The following PLD5 variants were observed in gnomAD, a reference collection of about 807,000 sequenced individuals.
PLD5 encodes the protein inactive phospholipase D5.
In PLD5, 36 loss-of-function variants were observed where a neutral mutation model predicts 61.1. The ratio of observed to expected loss-of-function variants is 0.59; its 90% CI spans 0.45 to 0.78. PLD5 has a LOEUF of 0.78. Ranked by LOEUF, PLD5 falls within the 30% of genes least tolerant of loss-of-function variation. The pLI is 0.00. For synonymous variants in PLD5, 243 were observed against 242.8 expected (o/e 1.00, Z -0.01); for missense variants, 515 against 644.4 (o/e 0.80, Z 2.17).
chr1:242,275,704 C>G (rs896952321), intron 3 of PLD5, among the ~76,000 whole-genome samples: 1 of 152,124 alleles, frequency 6.6e-6, no homozygotes, highest in Non-Finnish European at 1.5e-5. Flanking sequence ...CATCAATAAT[C>G]CAGCATAAGG....
At chr1:242,307,523 G>A (rs999970124) in intron 2 of PLD5, among the ~76,000 whole-genome samples, 16 of 152,132 alleles carry the variant, frequency 1.1e-4, no homozygotes, top group Non-Finnish European at 2.4e-4. Flanking sequence ...ACTGTGTCAC[G>A]TATTGGGCCC....
chr1:242,244,870 C>T (rs1460132825), intron 4 of PLD5, among the ~76,000 whole-genome samples: 13 of 152,174 alleles, frequency 8.5e-5, no homozygotes, highest in Non-Finnish European at 8.8e-5. Flanking sequence ...TAAAGTTCTA[C>T]CTAAGTTTCC....
chr1:242,214,553 A>G (rs1473438166), intron 5 of PLD5, among the ~76,000 whole-genome samples: 3 of 152,204 alleles, frequency 2.0e-5, no homozygotes, highest in Non-Finnish European at 4.4e-5. Context: ...AGGTTATGAT[A>G]TCACTGCTTG....
intron 2 of PLD5, among the ~76,000 whole-genome samples, chr1:242,302,088 C>A (rs1039266971): frequency 5.3e-5 from 8 of 152,160 alleles, no homozygotes; most frequent in African/African-American, 1.9e-4. Flanking sequence ...GCCAACAGTA[C>A]CTTCCCTAGG....
chr1:242,284,552 G>T (rs1242566622), intron 3 of PLD5, among the ~76,000 whole-genome samples: 1 of 152,170 alleles, frequency 6.6e-6, no homozygotes, highest in Non-Finnish European at 1.5e-5. Flanking sequence ...TCGGGGCAAG[G>T]TGAGAGGGAG....
At chr1:242,232,825 A>G (rs1671393013) in intron 4 of PLD5, among the ~76,000 whole-genome samples, 3 of 152,136 alleles carry the variant, frequency 2.0e-5, no homozygotes, top group African/African-American at 7.2e-5. Flanking sequence ...CCTGCATGAC[A>G]GAGTGAGACT....
chr1:242,424,034 CAAT>C lies in PLD5; in HGVS notation c.190-75795_190-75793del, dbSNP rs1410675897. ...ATGTAAAAAGCAGAGAAGAAATAATCAATAATAACAGTGATAACACTGCTGAGC... is the reference window on the plus strand; with the variant it reads ...ATGTAAAAAGCAGAGAAGAAATAATCAATAACAGTGATAACACTGCTGAGC... On this transcript the variant is annotated intron_variant, in intron 1 of 9. Coordinates refer to ENST00000536534, the MANE Select transcript of PLD5 (RefSeq NM_001372062.1). 2.6e-5 allele frequency among the ~76,000 whole-genome samples: 4 copies of C among 152,248 alleles called. No individual in the cohort carries two copies. In the East Asian group the frequency reaches 5.8e-4, roughly 22 times the overall value.
At chr1:242,473,787 A>T (rs1176698287) in intron 1 of PLD5, among the ~76,000 whole-genome samples, 1 of 152,190 alleles carries the variant, frequency 6.6e-6, no homozygotes, top group Non-Finnish European at 1.5e-5. Flanking sequence ...TTACTGGGCT[A>T]ATATGAGCTA....
At chr1:242,434,418 G>A (rs1006410682) in intron 1 of PLD5, among the ~76,000 whole-genome samples, 1 of 152,210 alleles carries the variant, frequency 6.6e-6, no homozygotes, top group Admixed American at 6.5e-5. Flanking sequence ...TTTAGACAAG[G>A]TGGGTTTGAT....
At chr1:242,158,050 G>GC (rs1038918040) in intron 5 of PLD5, among the ~76,000 whole-genome samples, 38 of 152,178 alleles carry the variant, frequency 2.5e-4, no homozygotes, top group African/African-American at 9.2e-4. Flanking sequence ...GCCTTCCTGA[G>GC]CTCTGGTGGG....
intron 1 of PLD5, among the ~76,000 whole-genome samples, chr1:242,382,321 A>T (rs1662344853): frequency 1.3e-5 from 2 of 152,072 alleles, no homozygotes; most frequent in Non-Finnish European, 2.9e-5. Context: ...ACTAAAAGAG[A>T]TCATCAAGGG....
At chr1:242,320,548 G>A (rs1658324570) in intron 2 of PLD5, among the ~76,000 whole-genome samples, 1 of 152,194 alleles carries the variant, frequency 6.6e-6, no homozygotes, top group Non-Finnish European at 1.5e-5. Context: ...TTGGTCATGA[G>A]CCAGCTCTGC....
At chr1:242,265,233 T>C (rs1396526354) in intron 4 of PLD5, 104 bp downstream of exon 4, 1 of 1,386,036 alleles carries the variant, frequency 7.2e-7, no homozygotes, top group Non-Finnish European at 9.5e-7. Flanking sequence ...ATGTACTAAG[T>C]GAAATGTACT....
At chr1:242,262,473 C>T (rs955196898) in intron 4 of PLD5, among the ~76,000 whole-genome samples, 1 of 152,190 alleles carries the variant, frequency 6.6e-6, no homozygotes, top group Non-Finnish European at 1.5e-5. Context: ...ATCCTCACAC[C>T]TGCATGCAAT....
At chr1:242,296,820 T>G (rs908029946) in intron 2 of PLD5, among the ~76,000 whole-genome samples, 5 of 152,142 alleles carry the variant, frequency 3.3e-5, no homozygotes, top group Non-Finnish European at 5.9e-5. Flanking sequence ...TTGGCTCAAG[T>G]GACCTTCCTG....
rs118015376 is a variant in PLD5, at chr1:242,264,372, A to G, written c.607+965T>C. 5.3e-5 allele frequency among the ~76,000 whole-genome samples: 8 copies of G among 152,304 alleles called. No individual in the cohort carries two copies. The East Asian group carries it at 1.5e-3, about 29-fold the overall frequency. On this transcript the variant is annotated intron_variant, in intron 4 of 9. Transcript: ENST00000536534. ...TGTGCATGGTGGTAGGTACATGTGC[A>G]TGGCCAAGCTTACGTCTTCTATGTG...
intron 7 of PLD5, among the ~76,000 whole-genome samples, chr1:242,111,033 G>A (rs559790759): frequency 1.4e-3 from 207 of 151,400 alleles, no homozygotes; most frequent in Non-Finnish European, 2.5e-3. Context: ...GCTAAATCAG[G>A]AAGAAGTGAA....
At position 242,524,444 on chromosome 1, in the gene PLD5, C is replaced by T; in HGVS notation, c.-168G>A. ...GGCGCGGGGAGCGCGGGGTGCTGAG[C>T]GCCAGCTGGGAGCGCGGCCGGGCGG... On this transcript the variant is annotated 5_prime_UTR_variant, in exon 1 of 10. Transcript: ENST00000536534. 1.7e-6 allele frequency: 1 copy of T among 577,322 alleles called. No homozygotes were observed. The highest frequency in any genetic ancestry group is 2.5e-6 in the Non-Finnish European group (1 of 401,872). The allele number at this position is 577,322 out of a possible 1,614,324, so 35.8% of individuals were successfully genotyped here.
chr1:242,445,466 C>T (rs542449897), intron 1 of PLD5, among the ~76,000 whole-genome samples: 5 of 152,198 alleles, frequency 3.3e-5, no homozygotes, highest in African/African-American at 1.2e-4. Context: ...CTCAGCCTCC[C>T]GAGTAGCTGT....
Sources: allele counts gnomAD v4.1 joint callset (sites outside exome capture counted in the v4.1 genomes callset), GRCh38; gene constraint gnomAD v4.1.1; transcripts MANE v1.5; gene names NCBI Gene and HGNC (gene_info 2026-07-23, HGNC 2026-07-21).